RYR1: variants seen among roughly 807,000 people sequenced by gnomAD.
RYR1 encodes the protein ryanodine receptor 1.
A neutral mutation model predicts 583.5 loss-of-function variants in RYR1; 342 were observed. The ratio of observed to expected loss-of-function variants is 0.59; its 90% CI spans 0.54 to 0.64. RYR1 has a LOEUF of 0.64. RYR1 is among the 30% of genes least tolerant of loss of function. RYR1 has a pLI of 0.00. For synonymous variants in RYR1, 2,791 were observed against 2,822.5 expected (o/e 0.99, Z 0.35); for missense variants, 6,032 against 6,917.2 (o/e 0.87, Z 4.54).
chr19:38,569,816 C>T (rs1973631618), intron 93 of RYR1, among the ~76,000 whole-genome samples: 1 of 152,188 alleles, frequency 6.6e-6, no homozygotes, highest in African/African-American at 2.4e-5. Flanking sequence ...ATTAAACAAG[C>T]TCATGCAAAT....
Position 38,460,379 on chromosome 19 carries a change from C to A in RYR1, c.2365C>A (p.Arg789=), listed in dbSNP as rs765445445. ...CCATTGTCCTTCCTTACCCAGGGTG[C>A]GGTTCCTCCTTGGTGGCCGCCATGG... ...VVSFSAGVKV[R]FLLGGRHGEF... is the part of the protein sequence containing the mutation. The change falls in exon 20 of 106, where the codon CGG becomes AGG. Residue 789 remains arginine (R), a synonymous_variant. Coordinates refer to ENST00000359596, the MANE Select transcript of RYR1 (RefSeq NM_000540.3). The A allele has an allele frequency of 1.2e-5, 20 of 1,613,840 alleles. No individual in the cohort carries two copies.
intron 20 of RYR1, 84 bp downstream of exon 20, chr19:38,460,675 T>A: frequency 7.7e-7 from 1 of 1,306,270 alleles, no homozygotes; most frequent in Non-Finnish European, 1.1e-6. Context: ...CGTTCATGCC[T>A]GTAATCCCAG....
intron 1 of RYR1, among the ~76,000 whole-genome samples, chr19:38,437,604 C>T (rs1326363140): frequency 3.3e-5 from 5 of 151,956 alleles, no homozygotes; most frequent in Non-Finnish European, 7.4e-5. Context: ...TGCTTGAGGC[C>T]GGGAGTTCAA....
At chr19:38,576,099 C>T in intron 97 of RYR1, 138 bp downstream of exon 97, 5 of 902,214 alleles carry the variant, frequency 5.5e-6, no homozygotes, top group Non-Finnish European at 9.2e-6. Context: ...ACCTCAGTTT[C>T]CCCATGGGGA....
In RYR1 at chr19:38,565,073, G is replaced by A. The variant is rs1347415179; in HGVS notation, c.12739G>A (p.Ala4247Thr). The A allele has an allele frequency of 6.4e-7, 1 of 1,560,574 alleles. No homozygotes were observed. The highest frequency in any genetic ancestry group is 8.7e-7 in the Non-Finnish European group (1 of 1,154,296). The change falls in exon 91 of 106, where the codon GCC becomes ACC. Residue 4247 changes from alanine (A) to threonine (T), a missense_variant. Coordinates refer to ENST00000359596, the MANE Select transcript of RYR1 (RefSeq NM_000540.3). The surrounding 1 kb of genome is among the most constrained non-coding windows in gnomAD (Gnocchi z 4.7). Reference sequence around the variant, plus strand: ...GGACACCATCTTCGAGATGCAGATCGCCGCGCAGATCTCGGAGCCCGAGGG... The same window carrying A: ...GGACACCATCTTCGAGATGCAGATCACCGCGCAGATCTCGGAGCCCGAGGG... The part of the protein sequence containing the change: ...CEDTIFEMQI[A>T]AQISEPEGEP...
In RYR1 at chr19:38,456,960, G is replaced by A. The variant is rs991296596; in HGVS notation, c.1792-537G>A. On this transcript the variant is annotated intron_variant, in intron 16 of 105. Coordinates refer to ENST00000359596, the MANE Select transcript of RYR1 (RefSeq NM_000540.3). ...ACTCGGGAGGCTGAGGCAGGAGAAT[G>A]ATGTGAACCCGGGAGGCAGAGCTTG... is the stretch of plus-strand genomic sequence containing the variant. Among the ~76,000 whole-genome samples the A allele has an allele frequency of 2.8e-4, 39 of 137,640 alleles. No individual in the cohort carries two copies. The Admixed American group carries it at 3.1e-3, about 11-fold the overall frequency. The allele number at this position is 137,640 out of a possible 152,430, so 90.3% of individuals were successfully genotyped here.
At chr19:38,458,000 C>G (rs753484545) in intron 17 of RYR1, 51 bp from the exon 18 acceptor site, 75 of 1,600,768 alleles carry the variant, frequency 4.7e-5, no homozygotes, top group Non-Finnish European at 5.6e-5. Context: ...CCACTTGGCT[C>G]TCCTCTCTGC....
rs1376393998 is a variant in RYR1 at position 38,452,985 on chromosome 19, C to T, written c.1411C>T (p.Arg471Cys). 7.4e-6 allele frequency: 12 copies of T among 1,613,840 alleles called. No homozygotes were observed. The highest frequency in any genetic ancestry group is 1.0e-5 in the Non-Finnish European group (12 of 1,179,810). ...GAAGCAGAGCAAGCTGCGAAGCCTGCGCAACCGCCAGAGCCTCTTCCAGGA... is the reference window on the plus strand; with the variant it reads ...GAAGCAGAGCAAGCTGCGAAGCCTGTGCAACCGCCAGAGCCTCTTCCAGGA... ...EEKQSKLRSL[R>C]NRQSLFQEEG... Residue 471 changes from arginine (R) to cysteine (C), a missense_variant, in exon 13 of 106, where the codon CGC (arginine) becomes TGC (cysteine). Arg to Cys is a radical substitution (Grantham distance 180). Around this residue, in one of 11 missense-constraint regions of RYR1, gnomAD observed 2,627 missense variants for 2,961.3 expected, o/e 0.89. Transcript: ENST00000359596.
At chr19:38,529,424 G>A (rs903871574) in intron 76 of RYR1, among the ~76,000 whole-genome samples, 3 of 152,154 alleles carry the variant, frequency 2.0e-5, no homozygotes, top group Admixed American at 1.3e-4. Flanking sequence ...AGGTTGCAGT[G>A]AGCCGAGATC....
rs1004275760 is a variant in RYR1, at chr19:38,483,091, A to G, written c.4685A>G (p.Gln1562Arg). ...FVLPTHQNVI[Q>R]FELGKQKNIM... ...CTGCCCACCCACCAGAACGTCATCCAGTTTGAGCTGGGGAAGCAGAAGGTA... is the reference window on the plus strand; with the variant it reads ...CTGCCCACCCACCAGAACGTCATCCGGTTTGAGCTGGGGAAGCAGAAGGTA... Residue 1562 changes from glutamine to arginine, a missense_variant, in exon 32 of 106, where the codon CAG becomes CGG. This residue lies in a region of RYR1 where 2,627 missense variants were observed against 2,961.3 expected (regional missense o/e 0.89). Coordinates refer to ENST00000359596, the MANE Select transcript of RYR1 (RefSeq NM_000540.3). The surrounding 1 kb of genome is among the most constrained non-coding windows in gnomAD (Gnocchi z 6.3). 1 of 1,613,880 alleles carries G rather than the reference A, an allele frequency of 6.2e-7. No individual in the cohort carries two copies. The highest frequency in any genetic ancestry group is 1.3e-5 in the African/African-American group (1 of 74,886).
At chr19:38,583,560 T>C (rs908415499) in intron 101 of RYR1, among the ~76,000 whole-genome samples, 2 of 151,628 alleles carry the variant, frequency 1.3e-5, no homozygotes, top group African/African-American at 4.8e-5. Flanking sequence ...CAGACCCTTC[T>C]TGTGGCTCCC....
At position 38,455,516 on chromosome 19, in the gene RYR1, A is replaced by G; in HGVS notation, c.1642A>G (p.Ser548Gly). The G allele has an allele frequency of 6.2e-7, 1 of 1,614,158 alleles. No homozygotes were observed. The highest frequency in any genetic ancestry group is 8.5e-7 in the Non-Finnish European group (1 of 1,180,032). Residue 548 changes from serine to glycine, a missense_variant, in exon 15 of 106, where the codon AGC (serine) becomes GGC (glycine). Ser to Gly is a moderately conservative substitution (Grantham distance 56). This residue lies in a region of RYR1 where 2,627 missense variants were observed against 2,961.3 expected (regional missense o/e 0.89). Coordinates refer to ENST00000359596, the MANE Select transcript of RYR1 (RefSeq NM_000540.3). Reference protein sequence around the residue: ...LFSTNLDWLVSKLDRLEASSG... With the variant: ...LFSTNLDWLVGKLDRLEASSG... ...CTCCACAAACTTGGACTGGCTGGTC[A>G]GCAAGCTGGATCGGCTGGAGGCCTC...
At position 38,510,542 on chromosome 19, in the gene RYR1, C is replaced by T. The variant is rs774178720; in HGVS notation, c.8977C>T (p.Gln2993Ter). The stretch of plus-strand genomic sequence containing the variant: ...GCGAGTGGAAAAGTCCCCACATGAA[C>T]AGGAGATTAAATTCTTTGCCAAGGT... ...SGRVEKSPHE[Q>*]EIKFFAKILL... is the part of the protein sequence containing the mutation. Residue 2993 changes from glutamine to a stop codon, truncating the protein, a stop_gained, in exon 59 of 106, where the codon CAG becomes TAG. Transcript: ENST00000359596. LOFTEE classifies it high-confidence loss of function. 6.2e-6 allele frequency: 10 copies of T among 1,614,030 alleles called. No individual in the cohort carries two copies.
chr19:38,490,548 T>C lies in RYR1; in HGVS notation c.6016-73T>C, dbSNP rs1600788540. ...CCTTAGACATGGACTAACAATTGCA[T>C]CTTCTATCTCTGATCTCAGAGTTCC... is the stretch of plus-strand genomic sequence containing the variant. On this transcript the variant is annotated intron_variant, in intron 36 of 105. Coordinates refer to ENST00000359596, the MANE Select transcript of RYR1 (RefSeq NM_000540.3). 8.0e-6 allele frequency: 8 copies of C among 996,058 alleles called. No individual in the cohort carries two copies. In the East Asian group the frequency reaches 1.9e-4, roughly 24 times the overall value. The allele number at this position is 996,058 out of a possible 1,614,324, so 61.7% of individuals were successfully genotyped here.
In RYR1 at chr19:38,467,477, A is replaced by C. The variant is rs369601572; in HGVS notation, c.3179-133A>C. On this transcript the variant is annotated intron_variant, in intron 24 of 105. Transcript: ENST00000359596. The stretch of plus-strand genomic sequence containing the variant: ...GGTTCCCCAATTCTCCTCTAACTCC[A>C]AGAAATTGACCCTCTTCCAACAGTT... The C allele has an allele frequency of 1.4e-5, 14 of 997,476 alleles. No homozygotes were observed. In the African/African-American group the frequency reaches 2.2e-4, roughly 16 times the overall value. 61.8% of individuals were successfully genotyped at this position (997,476 alleles called of 1,614,324 possible). A position where few individuals can be genotyped will look rare whatever the true frequency, so the allele number is the denominator to read the frequency against.
chr19:38,478,848 A>G (rs1423234255), intron 31 of RYR1, among the ~76,000 whole-genome samples: 1 of 152,140 alleles, frequency 6.6e-6, no homozygotes, highest in East Asian at 1.9e-4. Context: ...GCTCACTGCA[A>G]CCTTCGCCTC....
In RYR1 at chr19:38,528,603, C is replaced by G; in HGVS notation, c.10942C>G (p.Arg3648Gly). 8 of 1,614,086 alleles carry G rather than the reference C, an allele frequency of 5.0e-6. No homozygotes were observed. The highest frequency in any genetic ancestry group is 6.8e-6 in the Non-Finnish European group (8 of 1,180,008). Residue 3648 changes from arginine (R) to glycine (G), a missense_variant, in exon 75 of 106, where the codon CGG (arginine) becomes GGG (glycine). Arg to Gly is a moderately radical substitution (Grantham distance 125). Transcript: ENST00000359596. Reference sequence around the variant, plus strand: ...CGTCACACCTCTCCCCTGCAGGCACCGGGCATGTAACATGTTCCTGGAGAG... The same window carrying G: ...CGTCACACCTCTCCCCTGCAGGCACGGGGCATGTAACATGTTCCTGGAGAG... ...MTPLYNLPTH[R>G]ACNMFLESYK...
chr19:38,531,441 G>A (rs1411581651), intron 76 of RYR1, among the ~76,000 whole-genome samples: 1 of 151,958 alleles, frequency 6.6e-6, no homozygotes, highest in Non-Finnish European at 1.5e-5. Flanking sequence ...ACCTAGAACA[G>A]GCACTGACAT....
Position 38,577,603 on chromosome 19 carries a change from C to T in RYR1, c.14173-315C>T, listed in dbSNP as rs111409508. ...CTTGAGGTTAGGAGTTCAAGACCAG[C>T]CTGACCAACACAGAGAAACCCCGTC... On this transcript the variant is annotated intron_variant, in intron 97 of 105. Transcript: ENST00000359596. Among the ~76,000 whole-genome samples the T allele has an allele frequency of 0.018, 2,766 of 152,126 alleles. 76 individuals carry two copies. Among genetic ancestry groups the T allele is most frequent in the African/African-American group, 0.062 (2,580 of 41,490 alleles).
Sources: allele counts gnomAD v4.1 joint callset (sites outside exome capture counted in the v4.1 genomes callset), GRCh38; gene constraint gnomAD v4.1.1; regional missense constraint gnomAD v4.1.1; non-coding constraint Gnocchi (gnomAD v3.1); transcripts MANE v1.5; gene names NCBI Gene and HGNC (gene_info 2026-07-23, HGNC 2026-07-21).